Variants in PRKCSH observed in about 807,000 individuals in gnomAD.
The protein encoded by PRKCSH is PRKCSH beta subunit of glucosidase II.
A neutral mutation model predicts 79.7 loss-of-function variants in PRKCSH; 42 were observed. The ratio of observed to expected loss-of-function variants is 0.53; its 90% confidence interval spans 0.41 to 0.68. The LOEUF (loss-of-function observed/expected upper bound fraction) is 0.68. PRKCSH is among the 30% of genes least tolerant of loss of function. The probability of loss-of-function intolerance (pLI) is 0.00; values close to 1 mark genes in which losing one functional copy is unlikely to be tolerated. For missense variants in PRKCSH, 686 were observed against 709.0 expected, an observed-to-expected ratio of 0.97 and a Z score of 0.37; for synonymous variants, 325 against 288.2, an observed-to-expected ratio of 1.13 and a Z score of -1.29.
At chr19:11,437,806 T>C (rs987829936) in intron 3 of PRKCSH, 70 bp from the exon 4 acceptor site, 70 of 1,358,308 alleles carry the variant, frequency 5.2e-5, no homozygotes, top group Non-Finnish European at 6.2e-5. Context: ...GGGGCTCTTA[T>C]CTGTGGATGG....
chr19:11,438,253 G>A, intron 5 of PRKCSH, 129 bp downstream of exon 5: 4 of 1,026,292 alleles, frequency 3.9e-6, no homozygotes, highest in Non-Finnish European at 5.9e-6. Context: ...GGTGCCTTGT[G>A]AATCCTAATC....
intron 5 of PRKCSH, among the ~76,000 whole-genome samples, chr19:11,440,559 C>T (rs1970016308): frequency 6.6e-6 from 1 of 152,016 alleles, no homozygotes; most frequent in Non-Finnish European, 1.5e-5. Context: ...GATTCTCTTG[C>T]CTCAGCCTCC....
chr19:11,447,686 G>A lies in PRKCSH; in HGVS notation c.1030-7G>A. On this transcript the variant is annotated splice_polypyrimidine_tract_variant and splice_region_variant and intron_variant, in intron 11 of 17. Transcript: ENST00000677123. This position sits in a 1 kb window ranked among gnomAD's most constrained non-coding sequence, Gnocchi z 5.6. ...AGGGCTACTCACTGACCCTGCCCCT[G>A]CCCCAGGAGGCCCCACCGCCACTGT... 4.5e-6 allele frequency: 7 copies of A among 1,564,794 alleles called. 1 individual carries two copies. The highest frequency in any genetic ancestry group is 3.5e-5 in the South Asian group (3 of 84,750).
In PRKCSH at chr19:11,447,386, G is replaced by A. The variant is rs1030982765; in HGVS notation, c.850-53G>A. On this transcript the variant is annotated intron_variant, in intron 10 of 17. Transcript: ENST00000677123. This position sits in a 1 kb window ranked among gnomAD's most constrained non-coding sequence, Gnocchi z 5.6. ...CCCTTGGGCTGTGGTGTGAGCCTGAGGGTGTGGGTGGACCCTGAGTCCACA... is the reference window on the plus strand; with the variant it reads ...CCCTTGGGCTGTGGTGTGAGCCTGAAGGTGTGGGTGGACCCTGAGTCCACA... The A allele has an allele frequency of 1.1e-5, 18 of 1,581,864 alleles. No homozygotes were observed. The African/African-American group carries it at 2.4e-4, about 21-fold the overall frequency.
At chr19:11,435,813 G>T in intron 1 of PRKCSH, 107 bp downstream of exon 1, 1 of 1,397,580 alleles carries the variant, frequency 7.2e-7, no homozygotes, top group Non-Finnish European at 9.5e-7. Flanking sequence ...CCTTTGGTCT[G>T]TTGGCGGGAA....
intron 7 of PRKCSH, among the ~76,000 whole-genome samples, chr19:11,443,729 T>C (rs1347386508): frequency 2.6e-5 from 4 of 152,060 alleles, no homozygotes; most frequent in African/African-American, 9.7e-5. Flanking sequence ...ATAAAGAGCT[T>C]TTTCTATCTG....
chr19:11,436,447 C>T lies in PRKCSH; in HGVS notation c.138C>T (p.Ile46=). 1 of 1,614,190 alleles carries T rather than the reference C, an allele frequency of 6.2e-7. No individual in the cohort carries two copies. The highest frequency in any genetic ancestry group is 8.5e-7 in the Non-Finnish European group (1 of 1,180,030). Residue 46 remains isoleucine, a synonymous_variant, in exon 3 of 18, where the codon ATC becomes ATT. Coordinates refer to ENST00000677123, the MANE Select transcript of PRKCSH (RefSeq NM_001289104.2). The part of the protein sequence containing the change: ...PFTCLDGSAT[I]PFDQVNDDYC... ...CCTGCCTGGACGGTTCGGCCACCAT[C>T]CCATTTGATCAGGTCAACGATGACT...
Position 11,448,266 on chromosome 19 carries a change from C to T in PRKCSH, c.1171C>T (p.Leu391=). ...CAAGTTCGAGGAGGCCGAGCGGTCGCTGAAGGACATGGAGGAGTCCATCAG... is the reference window on the plus strand; with the variant it reads ...CAAGTTCGAGGAGGCCGAGCGGTCGTTGAAGGACATGGAGGAGTCCATCAG... The part of the protein sequence containing the change: ...RNKFEEAERS[L]KDMEESIRNL... Residue 391 remains leucine, a synonymous_variant, in exon 13 of 18, where the codon CTG becomes TTG. Coordinates refer to ENST00000677123, the MANE Select transcript of PRKCSH (RefSeq NM_001289104.2). The surrounding 1 kb of genome is among the most constrained non-coding windows in gnomAD (Gnocchi z 4.4). 1 of 1,572,106 alleles carries T rather than the reference C, an allele frequency of 6.4e-7. No homozygotes were observed. Among genetic ancestry groups the T allele is most frequent in the East Asian group, 2.3e-5 (1 of 42,828 alleles).
At chr19:11,442,555 G>A in intron 7 of PRKCSH, 40 bp downstream of exon 7, 1 of 1,601,558 alleles carries the variant, frequency 6.2e-7, no homozygotes. Flanking sequence ...TCAGTCCTGG[G>A]TGGGAGCAGG....
At chr19:11,446,496 G>A (rs1970306719) in intron 9 of PRKCSH, 146 bp downstream of exon 9, 3 of 969,250 alleles carry the variant, frequency 3.1e-6, no homozygotes, top group Non-Finnish European at 4.7e-6. Context: ...ACTCAGGGCC[G>A]CTTCCCGCCT....
chr19:11,448,416 C>A lies in PRKCSH; in HGVS notation c.1197-124C>A, dbSNP rs1970426731. 2 of 1,457,656 alleles carry A rather than the reference C, an allele frequency of 1.4e-6. No individual in the cohort carries two copies. Among genetic ancestry groups the A allele is most frequent in the Middle Eastern group, 2.0e-4 (1 of 5,016 alleles). The allele number at this position is 1,457,656 out of a possible 1,614,324, so 90.3% of individuals were successfully genotyped here. A position where few individuals can be genotyped will look rare whatever the true frequency, so the allele number is the denominator to read the frequency against. ...GGGCCTGGTCCCTGCAGGGAGGGTC[C>A]CTGGGAGGTGGCAGGGAGGACAGCC... On this transcript the variant is annotated intron_variant, in intron 13 of 17. Transcript: ENST00000677123. This position sits in a 1 kb window ranked among gnomAD's most constrained non-coding sequence, Gnocchi z 4.4.
At chr19:11,438,196 C>T (rs1279201173) in intron 5 of PRKCSH, 72 bp downstream of exon 5, 1 of 1,507,190 alleles carries the variant, frequency 6.6e-7, no homozygotes, top group African/African-American at 1.4e-5. Flanking sequence ...GTGAATCGGG[C>T]CCACTCTCTC....
At chr19:11,442,577 GAGTCTCCCGC>G in intron 7 of PRKCSH, 62 bp downstream of exon 7, 1 of 1,584,720 alleles carries the variant, frequency 6.3e-7, no homozygotes, top group Middle Eastern at 2.3e-4. Context: ...CTGGGCCTAG[GAGTCTCCCGC>G]TCATTATCTG....
At position 11,448,150 on chromosome 19, in the gene PRKCSH, A is replaced by G; in HGVS notation, c.1127-72A>G. On this transcript the variant is annotated intron_variant, in intron 12 of 17. Coordinates refer to ENST00000677123, the MANE Select transcript of PRKCSH (RefSeq NM_001289104.2). This position sits in a 1 kb window ranked among gnomAD's most constrained non-coding sequence, Gnocchi z 4.4. ...TGAGGGTATGGGAGCACACAGCCACATCCATGGAACCCCGTTCCCCATCCT... is the reference window on the plus strand; with the variant it reads ...TGAGGGTATGGGAGCACACAGCCACGTCCATGGAACCCCGTTCCCCATCCT... 6.9e-7 allele frequency: 1 copy of G among 1,456,192 alleles called. No homozygotes were observed. Among genetic ancestry groups the G allele is most frequent in the South Asian group, 1.2e-5 (1 of 81,644 alleles). 90.2% of individuals were successfully genotyped at this position (1,456,192 alleles called of 1,614,324 possible).
At position 11,447,571 on chromosome 19, in the gene PRKCSH, G is replaced by A; in HGVS notation, c.982G>A (p.Glu328Lys). ...GGAGGAGGAGGAAGAAGAGGCTGAA[G>A]AAGAGGAGGAGGAGGAGGATTCCGA... ...EEEEEEEEAE[E>K]EEEEEDSEVQ... The change falls in exon 11 of 18, where the codon GAA becomes AAA. Residue 328 changes from glutamate (E) to lysine (K), a missense_variant. Around this residue, in one of 2 missense-constraint regions of PRKCSH, gnomAD observed 549 missense variants for 520.2 expected, o/e 1.06. Transcript: ENST00000677123. The surrounding 1 kb of genome is among the most constrained non-coding windows in gnomAD (Gnocchi z 5.6). 1 of 1,598,704 alleles carries A rather than the reference G, an allele frequency of 6.3e-7. No individual in the cohort carries two copies. The highest frequency in any genetic ancestry group is 8.5e-7 in the Non-Finnish European group (1 of 1,171,890).
In PRKCSH at chr19:11,447,591, T is replaced by C. The variant is rs751959808; in HGVS notation, c.1002T>C (p.Asp334=). ...EEAEEEEEEE[D]SEVQGEQPKE... ...CTGAAGAAGAGGAGGAGGAGGAGGATTCCGAGGTGCAGGGGGAGCAGCCCA... is the reference window on the plus strand; with the variant it reads ...CTGAAGAAGAGGAGGAGGAGGAGGACTCCGAGGTGCAGGGGGAGCAGCCCA... Residue 334 remains aspartate (D), a synonymous_variant, in exon 11 of 18, where the codon GAT becomes GAC. Coordinates refer to ENST00000677123, the MANE Select transcript of PRKCSH (RefSeq NM_001289104.2). This position sits in a 1 kb window ranked among gnomAD's most constrained non-coding sequence, Gnocchi z 5.6. 3.1e-6 allele frequency: 5 copies of C among 1,590,344 alleles called. No individual in the cohort carries two copies. The highest frequency in any genetic ancestry group is 4.3e-6 in the Non-Finnish European group (5 of 1,169,422).
At chr19:11,444,392 T>C (rs1970199829) in intron 7 of PRKCSH, among the ~76,000 whole-genome samples, 1 of 152,162 alleles carries the variant, frequency 6.6e-6, no homozygotes, top group Non-Finnish European at 1.5e-5. Context: ...AGGCTACACC[T>C]CTCACTGGCT....
intron 3 of PRKCSH, chr19:11,436,736 T>C (rs968256017): frequency 7.6e-6 from 4 of 525,294 alleles, no homozygotes; most frequent in African/African-American, 1.9e-5. Context: ...GAGGTTTCAG[T>C]TGAATCCCGA....
intron 5 of PRKCSH, among the ~76,000 whole-genome samples, chr19:11,438,394 CTA>C (rs2144809852): frequency 6.6e-6 from 1 of 152,252 alleles, no homozygotes; most frequent in East Asian, 1.9e-4. Context: ...CACTTGGACT[CTA>C]AACTTTCCAT....
Sources: gnomAD v4.1 joint callset for allele counts (sites outside exome capture counted in the v4.1 genomes callset) on GRCh38, gnomAD v4.1.1 for gene constraint, gnomAD v4.1.1 regional missense constraint, Gnocchi (gnomAD v3.1) non-coding constraint, MANE v1.5 for transcripts, NCBI Gene and HGNC (gene_info 2026-07-23, HGNC 2026-07-21) for gene names.